The following PCDHGB2 variants were observed in gnomAD, a reference collection of about 807,000 sequenced individuals.
PCDHGB2 encodes protocadherin gamma-B2.
PCDHGB2 carries 55 observed loss-of-function variants against 59.3 expected under a neutral mutation model. The ratio of observed to expected loss-of-function variants is 0.93; its 90% CI spans 0.75 to 1.16. The LOEUF is 1.16. PCDHGB2 is among the 50% of genes most tolerant of loss of function. PCDHGB2 has a pLI of 0.00. For missense variants in PCDHGB2, 1,228 were observed against 1,198.5 expected, an observed-to-expected ratio of 1.02 and a Z score of -0.36; for synonymous variants, 516 against 512.0, an observed-to-expected ratio of 1.01 and a Z score of -0.11.
At chr5:141,379,301 T>C (rs1454001720) in intron 1 of PCDHGB2, 1 of 152,244 alleles carries the variant, frequency 6.6e-6, no homozygotes, top group East Asian at 1.9e-4. Context: ...CAAAGGTATA[T>C]ACCTAAACAA....
In PCDHGB2 at chr5:141,476,575, C is replaced by A; in HGVS notation, c.2422-18232C>A. 6 of 1,614,232 alleles carry A rather than the reference C, an allele frequency of 3.7e-6. No homozygotes were observed. The highest frequency in any genetic ancestry group is 5.1e-6 in the Non-Finnish European group (6 of 1,180,042). The stretch of plus-strand genomic sequence containing the variant: ...GCGAGGCCGTGGCTCCGGGGACGCG[C>A]TTTCCGCTCGAGAGCGCGCACGATC... On this transcript the variant is annotated intron_variant, in intron 1 of 3. Transcript: ENST00000522605. This position sits in a 1 kb window ranked among gnomAD's most constrained non-coding sequence, Gnocchi z 7.6.
chr5:141,504,578 TGCCCAGGATTCACAGCAA>T (rs2099839274), intron 2 of PCDHGB2, among the ~76,000 whole-genome samples: 1 of 148,500 alleles, frequency 6.7e-6, no homozygotes, highest in African/African-American at 2.5e-5. Flanking sequence ...GAACACCATC[TGCCCAGGATTCACAGCAA>T]GAGGGAACTT....
chr5:141,452,533 A>G lies in PCDHGB2; in HGVS notation c.2422-42274A>G, dbSNP rs562306062. ...CACACTCCCTCAAAATCGTGAGTTC[A>G]TATTGATACCTCCAGTTCTGGTTCT... On this transcript the variant is annotated intron_variant, in intron 1 of 3. Transcript: ENST00000522605. Among the ~76,000 whole-genome samples the G allele has an allele frequency of 2.0e-5, 3 of 152,328 alleles. No individual in the cohort carries two copies. The East Asian group carries it at 5.8e-4, about 29-fold the overall frequency.
At chr5:141,371,133 T>C (rs772495360) in intron 1 of PCDHGB2, 1 of 1,614,000 alleles carries the variant, frequency 6.2e-7, no homozygotes, top group Non-Finnish European at 8.5e-7. Flanking sequence ...TCAGGACATG[T>C]ACAGGGTCAA....
chr5:141,419,846 G>T (rs1407937968), intron 1 of PCDHGB2: 2 of 1,614,066 alleles, frequency 1.2e-6, no homozygotes, highest in Non-Finnish European at 1.7e-6. Context: ...GCTGCACCTG[G>T]TGTTCGCAGA....
rs765318875 is a variant in PCDHGB2 at position 141,489,896 on chromosome 5, C to A, written c.2422-4911C>A. On this transcript the variant is annotated intron_variant, in intron 1 of 3. Coordinates refer to ENST00000522605, the MANE Select transcript of PCDHGB2 (RefSeq NM_018923.3). This position sits in a 1 kb window ranked among gnomAD's most constrained non-coding sequence, Gnocchi z 4.5. ...GTGCTTACTGCTGTGGATGGGGGGA[C>A]CCCAGCCCGCTCAGGGACCACCCTT... 5 of 1,614,062 alleles carry A rather than the reference C, an allele frequency of 3.1e-6. No homozygotes were observed.
intron 1 of PCDHGB2, among the ~76,000 whole-genome samples, chr5:141,369,005 A>C (rs944687399): frequency 6.6e-6 from 1 of 152,216 alleles, no homozygotes; most frequent in Non-Finnish European, 1.5e-5. Context: ...TGTGGAACTC[A>C]TTGCTTATTG....
At chr5:141,469,896 C>T (rs934040636) in intron 1 of PCDHGB2, among the ~76,000 whole-genome samples, 4 of 152,074 alleles carry the variant, frequency 2.6e-5, no homozygotes, top group Admixed American at 6.5e-5. Context: ...TTTGGGAAGC[C>T]GAGGCAGGCA....
At chr5:141,389,751 G>A (rs755499740) in intron 1 of PCDHGB2, 1 of 1,612,800 alleles carries the variant, frequency 6.2e-7, no homozygotes, top group Non-Finnish European at 8.5e-7. Flanking sequence ...GCGCACGGGC[G>A]AAGTGCGCAC....
intron 1 of PCDHGB2, chr5:141,392,823 C>A: frequency 6.3e-7 from 1 of 1,599,890 alleles, no homozygotes; most frequent in Non-Finnish European, 8.5e-7. Flanking sequence ...AATGGCCGCT[C>A]CACAGAGTCG....
At chr5:141,424,036 C>T (rs2096796408) in intron 1 of PCDHGB2, 1 of 1,029,488 alleles carries the variant, frequency 9.7e-7, no homozygotes, top group Non-Finnish European at 1.2e-6. Flanking sequence ...CTTTTTATTT[C>T]CATTTCAATT....
chr5:141,470,379 A>G (rs1210709847), intron 1 of PCDHGB2, among the ~76,000 whole-genome samples: 1 of 152,086 alleles, frequency 6.6e-6, no homozygotes, highest in East Asian at 1.9e-4. Flanking sequence ...TGGAAAGACT[A>G]CTCGATGATA....
rs1414210927 is a variant in PCDHGB2, at chr5:141,477,460, C to G, written c.2422-17347C>G. 1.9e-6 allele frequency: 3 copies of G among 1,614,014 alleles called. No homozygotes were observed. The highest frequency in any genetic ancestry group is 2.5e-6 in the Non-Finnish European group (3 of 1,180,028). On this transcript the variant is annotated intron_variant, in intron 1 of 3. Transcript: ENST00000522605. The surrounding 1 kb of genome is among the most constrained non-coding windows in gnomAD (Gnocchi z 4.9). ...TTACAATAGTGCGTGTTCAAGTGTC[C>G]GACATCAATGACAACCCTCCACAAT...
At chr5:141,383,476 G>T (rs983488072) in intron 1 of PCDHGB2, 1 of 1,613,748 alleles carries the variant, frequency 6.2e-7, no homozygotes, top group South Asian at 1.1e-5. Context: ...TAAGTACCCG[G>T]AACTGGTGCT....
At chr5:141,425,457 T>G (rs936918643) in intron 1 of PCDHGB2, among the ~76,000 whole-genome samples, 6 of 152,318 alleles carry the variant, frequency 3.9e-5, no homozygotes, top group Admixed American at 6.5e-5. Flanking sequence ...ACCATCACAT[T>G]TCATGTTATT....
At position 141,360,414 on chromosome 5, in the gene PCDHGB2, A is replaced by G; in HGVS notation, c.279A>G (p.Glu93=). ...DLLVSDRIDR[E]QICGKQPLCV... is the part of the protein sequence containing the mutation. ...TTGTGAGTGACAGAATAGACCGAGA[A>G]CAGATATGCGGGAAGCAGCCTCTGT... The change falls in exon 1 of 4, where the codon GAA becomes GAG. Residue 93 remains glutamate, a synonymous_variant. Coordinates refer to ENST00000522605, the MANE Select transcript of PCDHGB2 (RefSeq NM_018923.3). The G allele has an allele frequency of 6.2e-7, 1 of 1,614,020 alleles. No individual in the cohort carries two copies. The highest frequency in any genetic ancestry group is 8.5e-7 in the Non-Finnish European group (1 of 1,179,890).
At chr5:141,371,426 C>T (rs1210982594) in intron 1 of PCDHGB2, 34 of 1,613,774 alleles carry the variant, frequency 2.1e-5, no homozygotes, top group Non-Finnish European at 2.7e-5. Flanking sequence ...ATGACAATGC[C>T]CCGGAGATAA....
In PCDHGB2 at chr5:141,499,676, C is replaced by G. The variant is rs534287777; in HGVS notation, c.2480+4811C>G. On this transcript the variant is annotated intron_variant, in intron 2 of 3. Coordinates refer to ENST00000522605, the MANE Select transcript of PCDHGB2 (RefSeq NM_018923.3). Reference sequence around the variant, plus strand: ...ATAATTTCATCTTGGTCTCCACCATCTTTAACAGATGACTTTTTTTTTTTT... The same window carrying G: ...ATAATTTCATCTTGGTCTCCACCATGTTTAACAGATGACTTTTTTTTTTTT... Among the ~76,000 whole-genome samples, 13 of 144,474 alleles carry G rather than the reference C, an allele frequency of 9.0e-5. No homozygotes were observed. In the South Asian group the frequency reaches 2.9e-3, roughly 33 times the overall value. The allele number at this position is 144,474 out of a possible 152,430, so 94.8% of individuals were successfully genotyped here.
At chr5:141,368,708 A>G (rs933358136) in intron 1 of PCDHGB2, among the ~76,000 whole-genome samples, 1 of 152,210 alleles carries the variant, frequency 6.6e-6, no homozygotes, top group Admixed American at 6.5e-5. Context: ...CTTGATCCAT[A>G]CATTTTGAAT....
Sources: allele counts gnomAD v4.1 joint callset (sites outside exome capture counted in the v4.1 genomes callset), GRCh38; gene constraint gnomAD v4.1.1; non-coding constraint Gnocchi (gnomAD v3.1); transcripts MANE v1.5; gene names NCBI Gene and HGNC (gene_info 2026-07-23, HGNC 2026-07-21).